Variants in IQCH observed in about 807,000 individuals in gnomAD.
IQCH encodes IQ motif containing H.
IQCH carries 98 observed loss-of-function variants against 117.0 expected under a neutral mutation model. The observed-to-expected ratio is 0.84, with a 90% confidence interval of 0.71 to 0.99. The LOEUF (loss-of-function observed/expected upper bound fraction) is 0.99. Ranked by LOEUF, IQCH falls within the 50% of genes least tolerant of loss-of-function variation. The pLI, the probability that IQCH is intolerant of heterozygous loss-of-function variation, is 0.00. For missense variants in IQCH, 1,102 were observed against 1,243.8 expected (o/e 0.89, Z 1.72); for synonymous variants, 412 against 448.2 (o/e 0.92, Z 1.02).
chr15:67,331,464 C>T (rs1033836190), intron 4 of IQCH, among the ~76,000 whole-genome samples: 1 of 152,024 alleles, frequency 6.6e-6, no homozygotes, highest in Non-Finnish European at 1.5e-5. Flanking sequence ...ACTATAAATA[C>T]AATGAACATA....
At position 67,373,424 on chromosome 15, in the gene IQCH, C is replaced by A; in HGVS notation, c.1363C>A (p.Pro455Thr). ...RTSRRTIIHI[P>T]SLGYSQPVRE... ...CTCCAGGAGGACTATTATCCATATC[C>A]CATCATTAGGTATAACACTTTTGCC... Residue 455 changes from proline to threonine, a missense_variant, in exon 10 of 21, where the codon CCA (proline) becomes ACA (threonine). By Grantham distance (38) the Pro-to-Thr change is conservative (BLOSUM62 -1). Transcript: ENST00000335894. 1 of 1,606,490 alleles carries A rather than the reference C, an allele frequency of 6.2e-7. No individual in the cohort carries two copies. Among genetic ancestry groups the A allele is most frequent in the Non-Finnish European group, 8.5e-7 (1 of 1,173,372 alleles).
Position 67,426,317 on chromosome 15 carries a change from A to G in IQCH, c.2505+4740A>G, listed in dbSNP as rs891849869. ...CATCTGTGCATCTATAACTATTTCT[A>G]TATCTATCAAGTGTTTATATTATAA... On this transcript the variant is annotated intron_variant, in intron 16 of 20. Transcript: ENST00000335894. This position sits in a 1 kb window ranked among gnomAD's most constrained non-coding sequence, Gnocchi z 5.1. 6.6e-6 allele frequency among the ~76,000 whole-genome samples: 1 copy of G among 152,192 alleles called. No individual in the cohort carries two copies.
chr15:67,318,273 T>C (rs1967945065), intron 4 of IQCH, among the ~76,000 whole-genome samples: 1 of 152,038 alleles, frequency 6.6e-6, no homozygotes, highest in African/African-American at 2.4e-5. Flanking sequence ...TTCTTTCTCT[T>C]CTCCCTCTCC....
intron 4 of IQCH, among the ~76,000 whole-genome samples, chr15:67,318,454 C>A (rs951880722): frequency 2.0e-5 from 3 of 152,210 alleles, no homozygotes; most frequent in South Asian, 2.1e-4. Flanking sequence ...ATAAGTATGC[C>A]AGTTCTTCCC....
rs1178331249 is a variant in IQCH, at chr15:67,466,596, G to A, written c.2676+1299G>A. 1 of 152,218 alleles carries A rather than the reference G, an allele frequency of 6.6e-6. No homozygotes were observed. The highest frequency in any genetic ancestry group is 1.5e-5 in the Non-Finnish European group (1 of 68,120). 9.4% of individuals were successfully genotyped at this position (152,218 alleles called of 1,614,324 possible). On this transcript the variant is annotated intron_variant, in intron 17 of 20. Coordinates refer to ENST00000335894, the MANE Select transcript of IQCH (RefSeq NM_001031715.3). This position sits in a 1 kb window ranked among gnomAD's most constrained non-coding sequence, Gnocchi z 4.4. The stretch of plus-strand genomic sequence containing the variant: ...AGGATCTCTGCAGTCACCATAAGGA[G>A]GGCACCTGATGTCTTGGGGGGCTCA...
rs1272115245 is a variant in IQCH at position 67,393,510 on chromosome 15, A to C, written c.1633-1781A>C. On this transcript the variant is annotated intron_variant, in intron 12 of 20. Transcript: ENST00000335894. The surrounding 1 kb of genome is among the most constrained non-coding windows in gnomAD (Gnocchi z 5.5). ...ATTATATTATTTGCATAACATTTTA[A>C]TGACTTTATTTTTATTTTTTATTTT... 6.6e-6 allele frequency among the ~76,000 whole-genome samples: 1 copy of C among 152,004 alleles called. No individual in the cohort carries two copies. Among genetic ancestry groups the C allele is most frequent in the Non-Finnish European group, 1.5e-5 (1 of 67,986 alleles).
intron 4 of IQCH, among the ~76,000 whole-genome samples, chr15:67,291,879 A>G (rs1050835948): frequency 1.3e-5 from 2 of 152,198 alleles, no homozygotes; most frequent in Non-Finnish European, 1.5e-5. Context: ...TTCCTTTTCC[A>G]TGGCTTCTAA....
At chr15:67,335,207 G>A (rs996477339) in intron 4 of IQCH, among the ~76,000 whole-genome samples, 2 of 152,208 alleles carry the variant, frequency 1.3e-5, no homozygotes. Context: ...GCCTGACAGA[G>A]TCTGAACATC....
chr15:67,455,067 G>C (rs969084688), intron 16 of IQCH, among the ~76,000 whole-genome samples: 3 of 152,138 alleles, frequency 2.0e-5, no homozygotes, highest in Non-Finnish European at 2.9e-5. Context: ...GCCAACACTT[G>C]TTATTGGTTT....
At chr15:67,461,001 A>G (rs886392159) in intron 16 of IQCH, among the ~76,000 whole-genome samples, 3 of 152,188 alleles carry the variant, frequency 2.0e-5, no homozygotes, top group Non-Finnish European at 4.4e-5. Flanking sequence ...GGCCCCCATC[A>G]TTGCTCACCT....
intron 8 of IQCH, chr15:67,371,546 A>ATGTTATC: frequency 1.4e-6 from 2 of 1,451,954 alleles, no homozygotes; most frequent in Non-Finnish European, 1.9e-6. Context: ...GATAACATAT[A>ATGTTATC]ACATAATGTT....
chr15:67,471,867 A>G (rs1457354143), intron 17 of IQCH, among the ~76,000 whole-genome samples: 1 of 152,176 alleles, frequency 6.6e-6, no homozygotes, highest in African/African-American at 2.4e-5. Flanking sequence ...GTCTTCTAAA[A>G]AGTAGTTGTA....
intron 4 of IQCH, among the ~76,000 whole-genome samples, chr15:67,328,141 TTTTG>T (rs992508223): frequency 2.3e-5 from 3 of 128,418 alleles, no homozygotes; most frequent in Non-Finnish European, 3.4e-5. Flanking sequence ...TGTGGGGGTT[TTTTG>T]TTTGTTTGTT....
In IQCH at chr15:67,443,846, TA is replaced by T. The variant is rs1596388439; in HGVS notation, c.2506-21280del. Among the ~76,000 whole-genome samples the T allele has an allele frequency of 6.6e-6, 1 of 152,246 alleles. No homozygotes were observed. On this transcript the variant is annotated intron_variant, in intron 16 of 20. Transcript: ENST00000335894. The surrounding 1 kb of genome is among the most constrained non-coding windows in gnomAD (Gnocchi z 5.0). Reference sequence around the variant, plus strand: ...TTGTATCATGTGCCAAGCACTCTGTTATGTATTTTACATGTAGTAACCCTAA... The same window carrying T: ...TTGTATCATGTGCCAAGCACTCTGTTTGTATTTTACATGTAGTAACCCTAA...
chr15:67,379,614 T>C (rs1037793516), intron 10 of IQCH, among the ~76,000 whole-genome samples: 7 of 152,028 alleles, frequency 4.6e-5, no homozygotes, highest in East Asian at 1.9e-4. Context: ...TGGGAGACGA[T>C]TGGATTACAG....
chr15:67,440,093 T>C (rs2082232185), intron 16 of IQCH, among the ~76,000 whole-genome samples: 2 of 151,976 alleles, frequency 1.3e-5, no homozygotes. Flanking sequence ...ATGACCACCT[T>C]TACACACATA....
In IQCH at chr15:67,430,043, C is replaced by G. The variant is rs138382690; in HGVS notation, c.2505+8466C>G. ...GGAGCATGGTCTAAGATTACTCCTG[C>G]CAGTGGATTTAGGTCCAGGATTTTG... On this transcript the variant is annotated intron_variant, in intron 16 of 20. Transcript: ENST00000335894. This position sits in a 1 kb window ranked among gnomAD's most constrained non-coding sequence, Gnocchi z 5.1. Among the ~76,000 whole-genome samples the G allele has an allele frequency of 6.6e-6, 1 of 152,220 alleles. No homozygotes were observed. The highest frequency in any genetic ancestry group is 2.4e-5 in the African/African-American group (1 of 41,538).
chr15:67,370,394 A>G lies in IQCH; in HGVS notation c.754-1717A>G, dbSNP rs531361495. ...ACATGTCCATCTGTGATTATTTTGC[A>G]TGTCTGTTTCTCACTGATGAAGCAC... On this transcript the variant is annotated intron_variant, in intron 8 of 20. Transcript: ENST00000335894. The surrounding 1 kb of genome is among the most constrained non-coding windows in gnomAD (Gnocchi z 5.6). Among the ~76,000 whole-genome samples the G allele has an allele frequency of 2.6e-5, 4 of 152,278 alleles. No homozygotes were observed. In the East Asian group the frequency reaches 7.7e-4, roughly 29 times the overall value.
Position 67,372,164 on chromosome 15 carries a change from C to A in IQCH, c.807C>A (p.Asp269Glu). ...CCCTGAAATCACTGTGGGATTATGA[C>A]TTTTTAATTTATGATGGTGTCATAG... ...LRALKSLWDYDFLIYDGVIDN... is the reference protein window; with the variant it reads ...LRALKSLWDYEFLIYDGVIDN... Residue 269 changes from aspartate to glutamate, a missense_variant, in exon 9 of 21, where the codon GAC becomes GAA. Coordinates refer to ENST00000335894, the MANE Select transcript of IQCH (RefSeq NM_001031715.3). 1 of 1,613,774 alleles carries A rather than the reference C, an allele frequency of 6.2e-7. No homozygotes were observed.
Sources: gnomAD v4.1 joint callset for allele counts (sites outside exome capture counted in the v4.1 genomes callset) on GRCh38, gnomAD v4.1.1 for gene constraint, Gnocchi (gnomAD v3.1) non-coding constraint, MANE v1.5 for transcripts, NCBI Gene and HGNC (gene_info 2026-07-23, HGNC 2026-07-21) for gene names.